Variants in CCDC22 observed in about 807,000 individuals in gnomAD.
CCDC22 encodes the protein CCC complex scaffolding subunit CCDC22, also known as coiled-coil domain-containing protein 22.
A neutral mutation model predicts 53.1 loss-of-function variants in CCDC22; 4 were observed. That is an observed-to-expected ratio of 0.08 (90% confidence interval 0.04 to 0.17). The LOEUF (loss-of-function observed/expected upper bound fraction) is 0.17. Among genes scored for constraint, CCDC22 ranks in the 10% least tolerant of loss-of-function variants. The probability of loss-of-function intolerance (pLI) is 1.00; values close to 1 mark genes in which losing one functional copy is unlikely to be tolerated. For synonymous variants in CCDC22, 222 were observed against 224.4 expected (o/e 0.99, Z 0.10); for missense variants, 458 against 554.0 (o/e 0.83, Z 1.74).
chrX:49,243,290 G>A lies in CCDC22; in HGVS notation c.542G>A (p.Arg181Gln), dbSNP rs782815473. The A allele has an allele frequency of 5.0e-6, 6 of 1,198,477 alleles. No individual in the cohort carries two copies. Among genetic ancestry groups the A allele is most frequent in the African/African-American group, 3.5e-5 (2 of 57,186 alleles). Residue 181 changes from arginine to glutamine, a missense_variant, in exon 6 of 17, where the codon CGG (arginine) becomes CAG (glutamine). Arg to Gln is a conservative substitution (Grantham distance 43). Around this residue, in one of 4 missense-constraint regions of CCDC22, gnomAD observed 309 missense variants for 312.3 expected, o/e 0.99. Transcript: ENST00000376227. ...VPELSSRGEP[R>Q]EFQASPLLLP... is the part of the protein sequence containing the mutation. ...ACTCTGTTCCTGCCTCCAGAGCCAC[G>A]GGAGTTCCAGGCGAGTCCCCTGCTG...
At chrX:49,249,615 G>GGGGGGGGGT in intron 15 of CCDC22, 36 bp from the exon 16 acceptor site, 1 of 406,806 alleles carries the variant, frequency 2.5e-6, no homozygotes, top group Non-Finnish European at 4.5e-6. Context: ...GGGTGGGTGG[G>GGGGGGGGGT]ACTGGGTGCA....
chrX:49,240,519 A>C (rs2065958768), intron 2 of CCDC22, among the ~76,000 whole-genome samples: 1 of 111,663 alleles, frequency 9.0e-6, no homozygotes, highest in Non-Finnish European at 1.9e-5. Flanking sequence ...GCACCACTGC[A>C]CTCCAGCCTG....
rs201730129 is a variant in CCDC22, at chrX:49,248,167, T to C, written c.1093-24T>C. The C allele has an allele frequency of 8.8e-4, 1,048 of 1,197,420 alleles. 4 individuals are homozygous for C. Among genetic ancestry groups the C allele is most frequent in the Middle Eastern group, 1.3e-3 (5 of 3,723 alleles). On this transcript the variant is annotated intron_variant, in intron 9 of 16. Transcript: ENST00000376227. ...GTGGAGCTCCATGGGGGCTGTGGCA[T>C]GTGACTGGGTATCCACCGGCCAGGC...
At chrX:49,237,994 A>G (rs1337386556) in intron 2 of CCDC22, among the ~76,000 whole-genome samples, 1 of 108,600 alleles carries the variant, frequency 9.2e-6, no homozygotes, top group Non-Finnish European at 1.9e-5. Context: ...TCTTGACCTC[A>G]TGATCCACCT....
chrX:49,237,327 C>A, intron 2 of CCDC22, 64 bp downstream of exon 2: 3 of 1,019,607 alleles, frequency 2.9e-6, no homozygotes, highest in Non-Finnish European at 4.0e-6. Context: ...TAACCAAGTT[C>A]CTTTGCAACA....
In CCDC22 at chrX:49,243,310, C is replaced by T. The variant is rs782468983; in HGVS notation, c.562C>T (p.Leu188=). ...GCCACGGGAGTTCCAGGCGAGTCCC[C>T]TGCTGCTTCCAGTCCCTACCCAGGT... ...GEPREFQASP[L]LLPVPTQVPQ... The change falls in exon 6 of 17, where the codon CTG becomes TTG. Residue 188 remains leucine, a synonymous_variant. Transcript: ENST00000376227. The T allele has an allele frequency of 3.2e-5, 38 of 1,203,357 alleles. No homozygotes were observed. Among genetic ancestry groups the T allele is most frequent in the Non-Finnish European group, 4.2e-5 (37 of 890,949 alleles).
intron 2 of CCDC22, 120 bp from the exon 3 acceptor site, chrX:49,241,896 C>G: frequency 1.3e-6 from 1 of 775,747 alleles, no homozygotes; most frequent in African/African-American, 2.1e-5. Context: ...CCTTGGGGAG[C>G]TGGGGGAGGT....
chrX:49,247,827 T>C, intron 9 of CCDC22, 59 bp downstream of exon 9: 1 of 1,181,220 alleles, frequency 8.5e-7, no homozygotes, highest in South Asian at 1.8e-5. Flanking sequence ...CCTCGGGGTG[T>C]GAGGGACTAG....
intron 1 of CCDC22, among the ~76,000 whole-genome samples, chrX:49,236,136 A>G (rs2065936982): frequency 9.2e-6 from 1 of 108,906 alleles, no homozygotes; most frequent in Non-Finnish European, 1.9e-5. Context: ...AAATCCCTGG[A>G]CCAGATACTT....
intron 7 of CCDC22, 131 bp from the exon 8 acceptor site, chrX:49,247,365 G>GT (rs1188199542): frequency 3.4e-6 from 2 of 585,112 alleles, no homozygotes; most frequent in African/African-American, 4.5e-5. Flanking sequence ...CATAGTCACA[G>GT]TCTGGCCACC....
At chrX:49,241,237 C>G (rs1482520305) in intron 2 of CCDC22, among the ~76,000 whole-genome samples, 1 of 111,490 alleles carries the variant, frequency 9.0e-6, no homozygotes, top group Non-Finnish European at 1.9e-5. Context: ...CCTGTAATCC[C>G]AGCACTTTGG....
Position 49,243,379 on chromosome X carries a change from G to A in CCDC22, c.631G>A (p.Ala211Thr). 1 of 1,205,670 alleles carries A rather than the reference G, an allele frequency of 8.3e-7. No individual in the cohort carries two copies. Among genetic ancestry groups the A allele is most frequent in the Non-Finnish European group, 1.1e-6 (1 of 892,342 alleles). ...GRVASLLEHH[A>T]LQLCQQTGRD... ...GGTGGCCTCGCTCCTCGAACACCAT[G>A]CCCTGCAGCTCTGCCAGCAGACGGG... Residue 211 changes from alanine (A) to threonine (T), a missense_variant, in exon 6 of 17, where the codon GCC (alanine) becomes ACC (threonine). Ala to Thr is a moderately conservative substitution (Grantham distance 58). Transcript: ENST00000376227.
At chrX:49,249,098 C>T (rs2066008836) in intron 13 of CCDC22, 69 bp from the exon 14 acceptor site, 1 of 1,124,454 alleles carries the variant, frequency 8.9e-7, no homozygotes, top group South Asian at 1.9e-5. Flanking sequence ...GTCTGGTACA[C>T]ATGAGGACCC....
Position 49,247,714 on chromosome X carries a change from C to T in CCDC22, c.1038C>T (p.Arg346=), listed in dbSNP as rs200287443. 9 of 1,207,897 alleles carry T rather than the reference C, an allele frequency of 7.5e-6. No individual in the cohort carries two copies. The East Asian group carries it at 2.4e-4, about 32-fold the overall frequency. Residue 346 remains arginine (R), a synonymous_variant, in exon 9 of 17, where the codon CGC becomes CGT. Coordinates refer to ENST00000376227, the MANE Select transcript of CCDC22 (RefSeq NM_014008.5). ...SLREQLEGVN[R]SIEEVEADMK... is the part of the protein sequence containing the mutation. The stretch of plus-strand genomic sequence containing the variant: ...GGGAGCAGCTGGAAGGAGTGAACCG[C>T]AGCATTGAGGAGGTTGAGGCCGACA...
rs1441116150 is a variant in CCDC22, at chrX:49,235,485, C to T, written c.-152C>T. On this transcript the variant is annotated 5_prime_UTR_variant, in exon 1 of 17. Transcript: ENST00000376227. ...CCCAGGCCTCACATCCGGCATGCGC[C>T]GTGCTCGCTCACAGAACTACACTTT... 4 of 539,349 alleles carry T rather than the reference C, an allele frequency of 7.4e-6. No individual in the cohort carries two copies. Among genetic ancestry groups the T allele is most frequent in the Non-Finnish European group, 1.3e-5 (4 of 308,938 alleles). 44.4% of individuals were successfully genotyped at this position (539,349 alleles called of 1,213,427 possible).
chrX:49,236,776 G>C, intron 1 of CCDC22: 1 of 253,222 alleles, frequency 3.9e-6, no homozygotes, highest in Non-Finnish European at 7.0e-6. Context: ...ATACTATCTG[G>C]GAACCAAGAA....
intron 6 of CCDC22, among the ~76,000 whole-genome samples, chrX:49,245,778 C>G (rs1313837845): frequency 8.9e-6 from 1 of 112,153 alleles, no homozygotes; most frequent in Non-Finnish European, 1.9e-5. Context: ...TCTTTTCTCT[C>G]CCAACTTTTT....
intron 3 of CCDC22, among the ~76,000 whole-genome samples, 199 bp from the exon 4 acceptor site, chrX:49,242,687 C>T (rs903858841): frequency 3.6e-5 from 4 of 111,221 alleles, no homozygotes; most frequent in Admixed American, 9.5e-5. Flanking sequence ...GTTTGTTCCA[C>T]GAAGTAGCCC....
intron 6 of CCDC22, among the ~76,000 whole-genome samples, chrX:49,243,942 C>T (rs1339382875): frequency 8.9e-6 from 1 of 112,352 alleles, no homozygotes; most frequent in East Asian, 2.8e-4. Flanking sequence ...GCTTGCACCA[C>T]CACACCTGGC....
Sources: gnomAD v4.1 joint callset for allele counts (sites outside exome capture counted in the v4.1 genomes callset) on GRCh38, gnomAD v4.1.1 for gene constraint, gnomAD v4.1.1 regional missense constraint, MANE v1.5 for transcripts, NCBI Gene and HGNC (gene_info 2026-07-23, HGNC 2026-07-21) for gene names.